The following MALRD1 variants were observed in gnomAD, a reference collection of about 807,000 sequenced individuals.
MALRD1 encodes the protein MAM and LDL-receptor class A domain-containing protein 1.
MALRD1 carries 247 observed loss-of-function variants against 242.1 expected under a neutral mutation model. The ratio of observed to expected loss-of-function variants is 1.02; its 90% CI spans 0.92 to 1.13. MALRD1 has a LOEUF of 1.13. MALRD1 is among the 50% of genes most tolerant of loss of function. The pLI is 0.00. For synonymous variants in MALRD1, 995 were observed against 866.6 expected, an observed-to-expected ratio of 1.15 and a Z score of -2.60; for missense variants, 2,989 against 2,533.1, an observed-to-expected ratio of 1.18 and a Z score of -3.86.
chr10:19,410,609 A>G lies in MALRD1; in HGVS notation c.4845+21000A>G, dbSNP rs1208477922. Among the ~76,000 whole-genome samples the G allele has an allele frequency of 4.0e-5, 6 of 151,882 alleles. No homozygotes were observed. In the East Asian group the frequency reaches 1.2e-3, roughly 29 times the overall value. The stretch of plus-strand genomic sequence containing the variant: ...CGCTAGGAAAGTAGAGGTAGACAGA[A>G]GCTAGTGAACAACTTCCTTCCTCCC... On this transcript the variant is annotated intron_variant, in intron 28 of 39. Transcript: ENST00000454679.
chr10:19,562,293 T>TTAGG (rs1554800891), intron 32 of MALRD1, among the ~76,000 whole-genome samples: 65 of 116,858 alleles, frequency 5.6e-4, no homozygotes, highest in African/African-American at 1.7e-3. Flanking sequence ...AGATGCTGTC[T>TTAGG]TAGGTAGATA....
chr10:19,716,950 A>G (rs775408075), intron 38 of MALRD1: 1 of 152,218 alleles, frequency 6.6e-6, no homozygotes, highest in Non-Finnish European at 1.5e-5. Context: ...TCAATCAAGT[A>G]TTTAAAGTAT....
chr10:19,256,561 A>G (rs1213638055), intron 18 of MALRD1, among the ~76,000 whole-genome samples: 1 of 152,092 alleles, frequency 6.6e-6, no homozygotes, highest in Non-Finnish European at 1.5e-5. Flanking sequence ...AAACAATGTC[A>G]GGGGGACTAT....
intron 18 of MALRD1, among the ~76,000 whole-genome samples, chr10:19,211,195 G>A (rs933621303): frequency 1.1e-4 from 16 of 152,104 alleles, no homozygotes; most frequent in Non-Finnish European, 8.8e-5. Context: ...TAGCCAGATC[G>A]ACGTGGGACT....
intron 38 of MALRD1, among the ~76,000 whole-genome samples, chr10:19,697,618 TCA>T (rs1833439197): frequency 6.6e-6 from 1 of 152,240 alleles, no homozygotes; most frequent in Admixed American, 6.5e-5. Flanking sequence ...ATTCTAAATT[TCA>T]CAGTTTCTCC....
At position 19,205,103 on chromosome 10, in the gene MALRD1, A is replaced by G. The variant is rs796383337; in HGVS notation, c.2416A>G (p.Ile806Val). 1.1e-5 allele frequency: 17 copies of G among 1,550,656 alleles called. No homozygotes were observed. In the African/African-American group the frequency reaches 2.3e-4, roughly 21 times the overall value. ...GGGCATTTATGATGGGGTCTCAGCT[A>G]TTGATGACATCCGATTTGAAAATTG... ...SLGIYDGVSA[I>V]DDIRFENCTL... The change falls in exon 17 of 40, where the codon ATT (isoleucine) becomes GTT (valine). Residue 806 changes from isoleucine (I) to valine (V), a missense_variant. Transcript: ENST00000454679.
chr10:19,414,560 T>A (rs1427074338), intron 28 of MALRD1, among the ~76,000 whole-genome samples: 1 of 152,220 alleles, frequency 6.6e-6, no homozygotes, highest in East Asian at 1.9e-4. Flanking sequence ...TAGCATTTAA[T>A]ATGAATTGTA....
At chr10:19,103,901 C>T (rs899299246) in intron 4 of MALRD1, 78 bp from the exon 5 acceptor site, 1 of 862,246 alleles carries the variant, frequency 1.2e-6, no homozygotes, top group African/African-American at 1.8e-5. Context: ...ATTGCAGGCT[C>T]TCTTTTATAA....
chr10:19,181,451 C>T (rs1835500827), intron 14 of MALRD1, among the ~76,000 whole-genome samples: 1 of 152,092 alleles, frequency 6.6e-6, no homozygotes, highest in African/African-American at 2.4e-5. Flanking sequence ...ATAAGCCAAA[C>T]ACAAGAAGGA....
intron 29 of MALRD1, among the ~76,000 whole-genome samples, chr10:19,489,701 G>C (rs951865381): frequency 6.6e-6 from 1 of 152,140 alleles, no homozygotes; most frequent in Admixed American, 6.5e-5. Context: ...GTGGGGGTTA[G>C]TTTTTATATC....
intron 36 of MALRD1, among the ~76,000 whole-genome samples, chr10:19,628,824 A>G (rs563850747): frequency 1.2e-4 from 18 of 152,332 alleles, no homozygotes; most frequent in African/African-American, 3.6e-4. Context: ...ATGTTACAGT[A>G]AAAGGCAGAG....
At chr10:19,352,323 TG>T in intron 26 of MALRD1, 26 bp downstream of exon 26, 1 of 1,194,178 alleles carries the variant, frequency 8.4e-7, no homozygotes, top group South Asian at 1.7e-5. Flanking sequence ...TGTGTGTGTG[TG>T]GTATTTTTGC....
At chr10:19,619,006 T>C (rs1839288838) in intron 36 of MALRD1, among the ~76,000 whole-genome samples, 1 of 151,988 alleles carries the variant, frequency 6.6e-6, no homozygotes, top group Non-Finnish European at 1.5e-5. Flanking sequence ...CGAATACAGC[T>C]TACCAGCAGA....
At chr10:19,703,187 T>G (rs1833699541) in intron 38 of MALRD1, among the ~76,000 whole-genome samples, 2 of 152,170 alleles carry the variant, frequency 1.3e-5, no homozygotes, top group South Asian at 4.1e-4. Context: ...TGGGAATGAA[T>G]GAGTGGGGCC....
At chr10:19,542,915 T>G (rs1835037261) in intron 32 of MALRD1, among the ~76,000 whole-genome samples, 1 of 152,362 alleles carries the variant, frequency 6.6e-6, no homozygotes, top group South Asian at 2.1e-4. Context: ...AAGACAGTTA[T>G]GTCTGTTTGG....
intron 28 of MALRD1, among the ~76,000 whole-genome samples, chr10:19,426,588 G>C (rs1410446743): frequency 2.0e-5 from 3 of 152,098 alleles, no homozygotes; most frequent in African/African-American, 7.2e-5. Context: ...AATCATTTGA[G>C]GTCAGGAGTT....
intron 38 of MALRD1, among the ~76,000 whole-genome samples, chr10:19,720,599 C>T (rs776973646): frequency 1.3e-5 from 2 of 152,152 alleles, no homozygotes; most frequent in African/African-American, 2.4e-5. Context: ...ATCCATTTCA[C>T]GAACTCTCCG....
intron 36 of MALRD1, among the ~76,000 whole-genome samples, chr10:19,677,155 A>G (rs1336027001): frequency 6.6e-6 from 1 of 152,166 alleles, no homozygotes; most frequent in African/African-American, 2.4e-5. Context: ...TAATAGAATG[A>G]TTTATATTCC....
chr10:19,499,334 T>C (rs1285930898), intron 31 of MALRD1, among the ~76,000 whole-genome samples: 2 of 152,108 alleles, frequency 1.3e-5, no homozygotes, highest in African/African-American at 4.8e-5. Flanking sequence ...TAATTTTATG[T>C]GTCAAATTGG....
Sources: allele counts gnomAD v4.1 joint callset (sites outside exome capture counted in the v4.1 genomes callset), GRCh38; gene constraint gnomAD v4.1.1; transcripts MANE v1.5; gene names NCBI Gene and HGNC (gene_info 2026-07-23, HGNC 2026-07-21).